Variants in RBFOX1 observed in about 807,000 individuals in gnomAD.
RBFOX1 encodes RNA binding fox-1 homolog 1.
In RBFOX1, 8 loss-of-function variants were observed where a neutral mutation model predicts 57.7. The ratio of observed to expected loss-of-function variants is 0.14; its 90% CI spans 0.08 to 0.25. RBFOX1 has a LOEUF of 0.25. Among genes scored for constraint, RBFOX1 ranks in the 10% least tolerant of loss-of-function variants. RBFOX1 has a pLI of 1.00. For missense variants in RBFOX1, 611 were observed against 548.5 expected (o/e 1.11, Z -1.14); for synonymous variants, 326 against 222.4 (o/e 1.47, Z -4.15).
intron 10 of RBFOX1, among the ~76,000 whole-genome samples, chr16:7,611,673 G>C (rs1040477603): frequency 1.3e-5 from 2 of 152,040 alleles, no homozygotes; most frequent in Non-Finnish European, 2.9e-5. Context: ...GGGTGGGGGC[G>C]AGGCAGGAAG....
rs557881684 is a variant in RBFOX1, at chr16:7,489,853, C to T, written c.28-28294C>T. On this transcript the variant is annotated intron_variant, in intron 4 of 15. Transcript: ENST00000550418. ...GCATATTATCTTTAATCCACACTTT[C>T]GCACACCAAGATAACATTTTATTTC... Among the ~76,000 whole-genome samples the T allele has an allele frequency of 9.2e-5, 14 of 152,116 alleles. No homozygotes were observed. The South Asian group carries it at 1.7e-3, about 18-fold the overall frequency.
At chr16:6,351,993 G>C (rs1246033001) in intron 2 of RBFOX1, among the ~76,000 whole-genome samples, 1 of 152,122 alleles carries the variant, frequency 6.6e-6, no homozygotes, top group Non-Finnish European at 1.5e-5. Context: ...TGAGTTCATG[G>C]CTGTATTTAC....
intron 11 of RBFOX1, among the ~76,000 whole-genome samples, chr16:7,638,116 C>T (rs907230773): frequency 2.0e-5 from 3 of 152,128 alleles, no homozygotes; most frequent in Non-Finnish European, 4.4e-5. Context: ...TTCCACCCCC[C>T]ACTTAAGTTC....
chr16:7,477,856 A>G (rs1016022508), intron 4 of RBFOX1, among the ~76,000 whole-genome samples: 1 of 152,206 alleles, frequency 6.6e-6, no homozygotes, highest in Non-Finnish European at 1.5e-5. Context: ...CAGAGATAAT[A>G]TCAGAGGGCT....
At chr16:5,723,634 G>C (rs924153678) in intron 3 of RBFOX1, among the ~76,000 whole-genome samples, 1 of 152,016 alleles carries the variant, frequency 6.6e-6, no homozygotes, top group Admixed American at 6.5e-5. Flanking sequence ...TCTGAGGTCT[G>C]ATTTTGAGAC....
chr16:7,065,719 T>A (rs556541286), intron 4 of RBFOX1, among the ~76,000 whole-genome samples: 1 of 152,170 alleles, frequency 6.6e-6, no homozygotes, highest in Non-Finnish European at 1.5e-5. Context: ...TGATTACCTG[T>A]AGCCGCCATG....
At chr16:6,776,448 A>G (rs1430189985) in intron 3 of RBFOX1, among the ~76,000 whole-genome samples, 2 of 151,142 alleles carry the variant, frequency 1.3e-5, no homozygotes, top group Non-Finnish European at 3.0e-5. Flanking sequence ...CAAACAAACA[A>G]AAAAACATCA....
chr16:5,528,108 A>G (rs545188404), intron 2 of RBFOX1, among the ~76,000 whole-genome samples: 1 of 152,258 alleles, frequency 6.6e-6, no homozygotes, highest in South Asian at 2.1e-4. Flanking sequence ...TGATTAAATA[A>G]TTCATGATTT....
chr16:6,654,906 T>C (rs1207195400), intron 3 of RBFOX1, among the ~76,000 whole-genome samples: 1 of 152,154 alleles, frequency 6.6e-6, no homozygotes, highest in African/African-American at 2.4e-5. Flanking sequence ...GTTTCAGTCA[T>C]ACCCTTCTTT....
At chr16:7,577,214 C>T (rs974214888) in intron 5 of RBFOX1, among the ~76,000 whole-genome samples, 4 of 152,200 alleles carry the variant, frequency 2.6e-5, no homozygotes, top group Non-Finnish European at 5.9e-5. Context: ...ACAAGCTGGT[C>T]ATACCACACT....
At chr16:6,983,924 A>G (rs1297029340) in intron 3 of RBFOX1, among the ~76,000 whole-genome samples, 1 of 152,162 alleles carries the variant, frequency 6.6e-6, no homozygotes, top group East Asian at 1.9e-4. Flanking sequence ...GTGTCATAAG[A>G]GCACAGTCTC....
Position 7,284,942 on chromosome 16 carries a change from G to T in RBFOX1, c.27+232844G>T, listed in dbSNP as rs573733438. Reference sequence around the variant, plus strand: ...TTGCCACACACTGTTTCCTTTTCTGGAACATTTTCCCACCCACCTTTCTCC... The same window carrying T: ...TTGCCACACACTGTTTCCTTTTCTGTAACATTTTCCCACCCACCTTTCTCC... On this transcript the variant is annotated intron_variant, in intron 4 of 15. Transcript: ENST00000550418. Among the ~76,000 whole-genome samples the T allele has an allele frequency of 1.2e-4, 18 of 151,978 alleles. No homozygotes were observed. In the South Asian group the frequency reaches 3.3e-3, roughly 28 times the overall value.
intron 2 of RBFOX1, among the ~76,000 whole-genome samples, chr16:6,609,280 G>T (rs1162627828): frequency 6.6e-6 from 1 of 152,124 alleles, no homozygotes; most frequent in Admixed American, 6.6e-5. Context: ...CAGTGGCTGG[G>T]TATGGAGTGT....
At chr16:7,200,396 A>G (rs1041516643) in intron 4 of RBFOX1, among the ~76,000 whole-genome samples, 1 of 152,190 alleles carries the variant, frequency 6.6e-6, no homozygotes, top group Non-Finnish European at 1.5e-5. Context: ...TCATCTTAGA[A>G]AATATAACCC....
At chr16:7,518,584 A>G (rs1360880620) in intron 5 of RBFOX1, among the ~76,000 whole-genome samples, 195 bp downstream of exon 5, 1 of 152,190 alleles carries the variant, frequency 6.6e-6, no homozygotes, top group African/African-American at 2.4e-5. Context: ...ATTTAAATCA[A>G]CGGATTATTA....
intron 4 of RBFOX1, among the ~76,000 whole-genome samples, chr16:7,154,745 G>A (rs963434776): frequency 8.0e-5 from 12 of 149,156 alleles, no homozygotes; most frequent in Non-Finnish European, 1.2e-4. Flanking sequence ...ATATTTGCAT[G>A]TACCACATGT....
intron 3 of RBFOX1, among the ~76,000 whole-genome samples, chr16:6,901,332 G>C (rs1165304884): frequency 6.6e-6 from 1 of 152,186 alleles, no homozygotes; most frequent in Non-Finnish European, 1.5e-5. Context: ...GTCAACAGAA[G>C]TTTCAACCTG....
intron 4 of RBFOX1, among the ~76,000 whole-genome samples, chr16:7,288,875 G>A (rs888573766): frequency 2.0e-5 from 3 of 152,158 alleles, no homozygotes; most frequent in African/African-American, 4.8e-5. Context: ...AGTATTTCTT[G>A]GACTTGTGTG....
At chr16:6,938,578 T>TC (rs1451648293) in intron 3 of RBFOX1, among the ~76,000 whole-genome samples, 1 of 148,672 alleles carries the variant, frequency 6.7e-6, no homozygotes, top group East Asian at 2.1e-4. Flanking sequence ...TTTCTCTTCA[T>TC]TTTTTTTTCC....
Sources: gnomAD v4.1 joint callset for allele counts (sites outside exome capture counted in the v4.1 genomes callset) on GRCh38, gnomAD v4.1.1 for gene constraint, MANE v1.5 for transcripts, NCBI Gene and HGNC (gene_info 2026-07-23, HGNC 2026-07-21) for gene names.